USP3: variants seen among roughly 807,000 people sequenced by gnomAD.
USP3 encodes the protein ubiquitin carboxyl-terminal hydrolase 3.
Under a neutral mutation model 72.3 loss-of-function variants are expected in USP3, and 20 were observed. The ratio of observed to expected loss-of-function variants is 0.28; its 90% CI spans 0.19 to 0.40. The LOEUF (loss-of-function observed/expected upper bound fraction) is 0.40, where lower values mean the gene tolerates loss of function less well. Ranked by LOEUF, USP3 falls within the 10% of genes least tolerant of loss-of-function variation. The pLI, the probability that USP3 is intolerant of heterozygous loss-of-function variation, is 1.00. For synonymous variants in USP3, 222 were observed against 225.3 expected (o/e 0.99, Z 0.13); for missense variants, 479 against 633.9 (o/e 0.76, Z 2.62).
intron 1 of USP3, among the ~76,000 whole-genome samples, chr15:63,527,270 G>T (rs1255813327): frequency 6.6e-6 from 1 of 152,182 alleles, no homozygotes; most frequent in Non-Finnish European, 1.5e-5. Context: ...TAAGGAAATA[G>T]ACCCAGAATG....
At chr15:63,509,422 G>C (rs2065754287) in intron 1 of USP3, among the ~76,000 whole-genome samples, 1 of 152,116 alleles carries the variant, frequency 6.6e-6, no homozygotes, top group South Asian at 2.1e-4. Flanking sequence ...CAGTATTTTA[G>C]TCAGTAAACG....
At chr15:63,539,382 A>C (rs1309516034) in intron 3 of USP3, among the ~76,000 whole-genome samples, 1 of 152,212 alleles carries the variant, frequency 6.6e-6, no homozygotes, top group South Asian at 2.1e-4. Context: ...GCTGTGTGCT[A>C]TAACAAGTTT....
chr15:63,508,621 A>G (rs1376922525), intron 1 of USP3, among the ~76,000 whole-genome samples: 1 of 152,146 alleles, frequency 6.6e-6, no homozygotes, highest in African/African-American at 2.4e-5. Context: ...ACCAGATGTT[A>G]TTTTCAGAAG....
At chr15:63,514,557 T>C (rs999902981) in intron 1 of USP3, among the ~76,000 whole-genome samples, 7 of 152,110 alleles carry the variant, frequency 4.6e-5, no homozygotes, top group African/African-American at 1.7e-4. Context: ...TGGTACTTTT[T>C]CCCCCTCCAC....
At chr15:63,566,212 G>A (rs981978691) in intron 8 of USP3, among the ~76,000 whole-genome samples, 11 of 151,676 alleles carry the variant, frequency 7.3e-5, no homozygotes, top group Non-Finnish European at 1.6e-4. Flanking sequence ...ATAATCATTG[G>A]CACATAATTC....
At chr15:63,589,846 T>TAGATGAAACCCAAATAAAAGATATTTGTA (rs1432005229) in intron 14 of USP3, among the ~76,000 whole-genome samples, 1,878 of 152,078 alleles carry the variant, frequency 0.012, 37 homozygotes, top group African/African-American at 0.042. Context: ...CAATTTGGGT[T>TAGATGAAACCCAAATAAAAGATATTTGTA]TCATCTGTAT....
chr15:63,520,206 C>A (rs72750934), intron 1 of USP3, among the ~76,000 whole-genome samples: 1 of 152,288 alleles, frequency 6.6e-6, no homozygotes, highest in Non-Finnish European at 1.5e-5. Flanking sequence ...TGATTTTATA[C>A]TGATACCTAC....
intron 1 of USP3, among the ~76,000 whole-genome samples, chr15:63,524,939 T>C (rs2065962259): frequency 6.6e-6 from 1 of 152,152 alleles, no homozygotes; most frequent in Admixed American, 6.5e-5. Flanking sequence ...ATGGGAAGAA[T>C]GTCAAAGAAT....
intron 1 of USP3, among the ~76,000 whole-genome samples, chr15:63,530,889 TAACA>T (rs1168441663): frequency 2.6e-5 from 4 of 152,214 alleles, no homozygotes; most frequent in Non-Finnish European, 5.9e-5. Context: ...AGTACCTGCC[TAACA>T]GAGTTGTTTT....
At chr15:63,543,338 T>G (rs547073398) in intron 3 of USP3, among the ~76,000 whole-genome samples, 1 of 152,330 alleles carries the variant, frequency 6.6e-6, no homozygotes, top group Non-Finnish European at 1.5e-5. Flanking sequence ...AGTAACATTT[T>G]TTGAGAAGCT....
intron 8 of USP3, among the ~76,000 whole-genome samples, chr15:63,568,125 C>A (rs1056450598): frequency 6.6e-6 from 1 of 151,854 alleles, no homozygotes; most frequent in South Asian, 2.1e-4. Context: ...GAGGCCGAGG[C>A]GGGCGGATCA....
rs561141627 is a variant in USP3, at chr15:63,568,027, C to T, written c.762-2406C>T. ...GGAGAAGGGGGTAATCTTTGTCTGACGTGACAAATGAGAGAAGGAACAGTG... is the reference window on the plus strand; with the variant it reads ...GGAGAAGGGGGTAATCTTTGTCTGATGTGACAAATGAGAGAAGGAACAGTG... On this transcript the variant is annotated intron_variant, in intron 8 of 14. Coordinates refer to ENST00000380324, the MANE Select transcript of USP3 (RefSeq NM_006537.4). 5.9e-5 allele frequency among the ~76,000 whole-genome samples: 9 copies of T among 152,174 alleles called. No individual in the cohort carries two copies. The South Asian group carries it at 8.3e-4, about 14-fold the overall frequency.
chr15:63,521,815 A>G lies in USP3; in HGVS notation c.92-10832A>G, dbSNP rs141669494. 3.0e-3 allele frequency among the ~76,000 whole-genome samples: 451 copies of G among 152,328 alleles called. 1 individual carries two copies. Among genetic ancestry groups the G allele is most frequent in the Non-Finnish European group, 4.5e-3 (304 of 68,026 alleles). ...AATGGCAGTAGGACAAGACAATTAT[A>G]CATGGGATAGAAATAAGGATTTCAG... On this transcript the variant is annotated intron_variant, in intron 1 of 14. Coordinates refer to ENST00000380324, the MANE Select transcript of USP3 (RefSeq NM_006537.4).
chr15:63,512,742 C>G (rs1438081273), intron 1 of USP3, among the ~76,000 whole-genome samples: 1 of 152,136 alleles, frequency 6.6e-6, no homozygotes, highest in African/African-American at 2.4e-5. Context: ...TGCACCAGGC[C>G]TCCCCCTTTC....
intron 1 of USP3, among the ~76,000 whole-genome samples, chr15:63,527,556 A>G (rs975818289): frequency 1.3e-5 from 2 of 152,360 alleles, no homozygotes; most frequent in Admixed American, 6.5e-5. Flanking sequence ...GTAGGCCTCG[A>G]ATATCAAATA....
intron 3 of USP3, among the ~76,000 whole-genome samples, chr15:63,546,864 T>G (rs2066336722): frequency 6.6e-6 from 1 of 152,186 alleles, no homozygotes. Context: ...CACCTTGGAC[T>G]CCCAAAGTGA....
intron 3 of USP3, chr15:63,551,465 C>T (rs1217455241): frequency 6.6e-6 from 1 of 151,774 alleles, no homozygotes; most frequent in East Asian, 1.9e-4. Flanking sequence ...GTCACCATAA[C>T]TCATGGTATC....
chr15:63,564,443 G>A (rs6494413), intron 8 of USP3, among the ~76,000 whole-genome samples: 120,946 of 152,136 alleles, frequency 0.79, 49,876 homozygotes, highest in African/African-American at 0.85. Flanking sequence ...AACAAGGCCC[G>A]TTAACTAATT....
At position 63,504,826 on chromosome 15, in the gene USP3, C is replaced by A; in HGVS notation, c.87C>A (p.Cys29Ter). 1 of 1,606,298 alleles carries A rather than the reference C, an allele frequency of 6.2e-7. No homozygotes were observed. Residue 29 changes from cysteine (C) to a stop codon, truncating the protein, a stop_gained, in exon 1 of 15, where the codon TGC becomes TGA. Transcript: ENST00000380324. LOFTEE classifies it high-confidence loss of function. ...ACGGCTCCCCGTCGTCCTGGTGCTG[C>A]AGCGGTGAGTGCGGCCACGGGCCGG... ...FPNGSPSSWC[C>*]SVCRSNKSPW...
Sources: allele counts gnomAD v4.1 joint callset (sites outside exome capture counted in the v4.1 genomes callset), GRCh38; gene constraint gnomAD v4.1.1; transcripts MANE v1.5; gene names NCBI Gene and HGNC (gene_info 2026-07-23, HGNC 2026-07-21).